Variants in CFAP107 observed in about 807,000 individuals in gnomAD.
CFAP107 encodes cilia- and flagella-associated protein 107.
chr1:12,750,469 T>C, the CFAP107 span, among the ~76,000 whole-genome samples: 2 of 152,186 alleles, frequency 1.3e-5, no homozygotes. Context: ...GATCCAACTA[T>C]ATGCTGCCTA....
At chr1:12,756,756 GA>G in the CFAP107 span, among the ~76,000 whole-genome samples, 5 of 152,174 alleles carry the variant, frequency 3.3e-5, no homozygotes, top group Non-Finnish European at 7.3e-5. Context: ...TGCTTGGAGG[GA>G]CCCAAGAGAT....
At chr1:12,749,325 T>C in the CFAP107 span, among the ~76,000 whole-genome samples, 57 of 152,314 alleles carry the variant, frequency 3.7e-4, no homozygotes, top group African/African-American at 1.3e-3. Context: ...GAGATTGTTA[T>C]GGGATTGACA....
the CFAP107 span, among the ~76,000 whole-genome samples, chr1:12,751,368 T>A: frequency 6.6e-6 from 1 of 152,168 alleles, no homozygotes; most frequent in African/African-American, 2.4e-5. Context: ...GGCTCATGCC[T>A]GTAATCCCAG....
At chr1:12,748,282 A>G in the CFAP107 span, among the ~76,000 whole-genome samples, 1 of 152,176 alleles carries the variant, frequency 6.6e-6, no homozygotes. Context: ...AAAGCCATGG[A>G]AAGCAATGAT....
chr1:12,759,428 G>A, the CFAP107 span: 20 of 1,613,936 alleles, frequency 1.2e-5, no homozygotes, highest in Admixed American at 3.3e-5. Flanking sequence ...CCTCCACTCC[G>A]CACTTGGAAT....
the CFAP107 span, among the ~76,000 whole-genome samples, chr1:12,758,682 G>C: frequency 6.6e-6 from 1 of 152,166 alleles, no homozygotes. Flanking sequence ...GGGCCCAAGA[G>C]GATTTTCTTA....
the CFAP107 span, chr1:12,753,345 T>G: frequency 3.3e-5 from 5 of 151,990 alleles, no homozygotes; most frequent in Non-Finnish European, 7.4e-5. Flanking sequence ...GTAAAGGTTT[T>G]TTTTTTTTGC....
the CFAP107 span, among the ~76,000 whole-genome samples, chr1:12,760,291 G>A: frequency 5.9e-5 from 9 of 152,264 alleles, no homozygotes; most frequent in Admixed American, 1.3e-4. Context: ...TTCAAGCCAC[G>A]TCCACACTAG....
chr1:12,750,112 G>A, the CFAP107 span, among the ~76,000 whole-genome samples: 3 of 152,190 alleles, frequency 2.0e-5, no homozygotes, highest in Non-Finnish European at 4.4e-5. Context: ...GGGAGGCAGA[G>A]CTATAAAAGA....
At chr1:12,752,140 G>A in the CFAP107 span, among the ~76,000 whole-genome samples, 8,085 of 152,126 alleles carry the variant, frequency 0.053, 689 homozygotes, top group African/African-American at 0.18. Flanking sequence ...TACTAAAGGC[G>A]AAGACATCAC....
At chr1:12,750,680 T>C in the CFAP107 span, among the ~76,000 whole-genome samples, 3 of 152,178 alleles carry the variant, frequency 2.0e-5, no homozygotes, top group Admixed American at 2.0e-4. Flanking sequence ...GAAGGTACAA[T>C]AGTTACACAC....
the CFAP107 span, chr1:12,763,149 G>C: frequency 6.6e-6 from 1 of 152,120 alleles, no homozygotes; most frequent in South Asian, 2.1e-4. Context: ...TGGTACCACT[G>C]CACTCCAGCC....
At chr1:12,759,710 T>C in the CFAP107 span, 1 of 614,566 alleles carries the variant, frequency 1.6e-6, no homozygotes, top group South Asian at 1.8e-5. Context: ...AGCCATCACC[T>C]GTGCCCCATG....
chr1:12,757,230 G>C, the CFAP107 span, among the ~76,000 whole-genome samples: 1 of 152,086 alleles, frequency 6.6e-6, no homozygotes, highest in African/African-American at 2.4e-5. Flanking sequence ...CTGACTAAGA[G>C]TTTAACATAC....
the CFAP107 span, among the ~76,000 whole-genome samples, chr1:12,760,610 G>T: frequency 6.6e-6 from 1 of 152,218 alleles, no homozygotes; most frequent in South Asian, 2.1e-4. Flanking sequence ...AATGCTCTCT[G>T]CAAGGCTCTT....
chr1:12,753,161 G>C, the CFAP107 span, among the ~76,000 whole-genome samples: 9 of 152,066 alleles, frequency 5.9e-5, no homozygotes, highest in South Asian at 1.7e-3. Context: ...CTTAACCAAG[G>C]AGATGAAAGA....
the CFAP107 span, among the ~76,000 whole-genome samples, chr1:12,757,784 G>C: frequency 6.6e-6 from 1 of 152,076 alleles, no homozygotes; most frequent in African/African-American, 2.4e-5. Context: ...AACTCTGTCA[G>C]CTCTTCTGTT....
the CFAP107 span, among the ~76,000 whole-genome samples, chr1:12,748,881 T>C: frequency 2.0e-5 from 3 of 152,256 alleles, no homozygotes; most frequent in Non-Finnish European, 1.5e-5. Flanking sequence ...ATTGAAATTA[T>C]AAAAAGGAGT....
At chr1:12,760,507 C>A in the CFAP107 span, among the ~76,000 whole-genome samples, 3 of 152,322 alleles carry the variant, frequency 2.0e-5, no homozygotes, top group South Asian at 6.2e-4. Flanking sequence ...CACCATGGGG[C>A]TGACTTTTCC....
Sources: allele counts gnomAD v4.1 joint callset (sites outside exome capture counted in the v4.1 genomes callset), GRCh38; gene constraint gnomAD v4.1.1; transcripts MANE v1.5; gene names NCBI Gene and HGNC (gene_info 2026-07-23, HGNC 2026-07-21).